IGSF3: variants seen among roughly 807,000 people sequenced by gnomAD.
IGSF3 encodes glu-Trp-Ile EWI motif-containing protein 3.
IGSF3 carries 23 observed loss-of-function variants against 114.4 expected under a neutral mutation model. That is an observed-to-expected ratio of 0.20 (90% CI 0.14 to 0.28). IGSF3 has a LOEUF of 0.28. Among genes scored for constraint, IGSF3 ranks in the 10% least tolerant of loss-of-function variants. The probability of loss-of-function intolerance (pLI) is 1.00; values close to 1 mark genes in which losing one functional copy is unlikely to be tolerated. For synonymous variants in IGSF3, 571 were observed against 645.2 expected, an observed-to-expected ratio of 0.88 and a Z score of 1.74; for missense variants, 1,172 against 1,591.5, an observed-to-expected ratio of 0.74 and a Z score of 4.48.
Position 116,577,202 on chromosome 1 carries a change from A to G in IGSF3, c.*110T>C. 2 of 1,250,728 alleles carry G rather than the reference A, an allele frequency of 1.6e-6. No homozygotes were observed. The highest frequency in any genetic ancestry group is 3.1e-5 in the South Asian group (2 of 65,568). 77.5% of individuals were successfully genotyped at this position (1,250,728 alleles called of 1,614,324 possible). A position where few individuals can be genotyped will look rare whatever the true frequency, so the allele number is the denominator to read the frequency against. On this transcript the variant is annotated 3_prime_UTR_variant, in exon 11 of 11. Coordinates refer to ENST00000369486, the MANE Select transcript of IGSF3 (RefSeq NM_001007237.3). The surrounding 1 kb of genome is among the most constrained non-coding windows in gnomAD (Gnocchi z 5.7). ...CTTGGAACACTTTTCAAGTCTGACAACTTTCCACACACATGCACCCCAGAG... is the reference window on the plus strand; with the variant it reads ...CTTGGAACACTTTTCAAGTCTGACAGCTTTCCACACACATGCACCCCAGAG...
Position 116,607,321 on chromosome 1 carries a change from TG to T in IGSF3, c.1222+620del, listed in dbSNP as rs35998962. On this transcript the variant is annotated intron_variant, in intron 5 of 10. Transcript: ENST00000369486. The surrounding 1 kb of genome is among the most constrained non-coding windows in gnomAD (Gnocchi z 6.1). ...ACACAAGGCCAGTCTACATGAAGGC[TG>T]GGGAGCCCACTGAGGCAGCCTCAGA... Among the ~76,000 whole-genome samples, 107,522 of 152,016 alleles carry T rather than the reference TG, an allele frequency of 0.71. 39,350 individuals are homozygous for T. The highest frequency in any genetic ancestry group is 0.9 in the African/African-American group (37,496 of 41,466).
chr1:116,601,167 C>T (rs1171973477), intron 6 of IGSF3, among the ~76,000 whole-genome samples: 1 of 152,196 alleles, frequency 6.6e-6, no homozygotes, highest in East Asian at 1.9e-4. Flanking sequence ...ATCCCCAAAA[C>T]AACCTTGTAG....
rs920577996 is a variant in IGSF3, at chr1:116,593,308, C to T, written c.2030-4204G>A. 3.9e-5 allele frequency among the ~76,000 whole-genome samples: 6 copies of T among 152,182 alleles called. No homozygotes were observed. The highest frequency in any genetic ancestry group is 8.8e-5 in the Non-Finnish European group (6 of 68,032). ...AACAGCCGTGCTGCTGAGGTGGTTG[C>T]CGGTAAGTCTGGAGAAGGTGGTTTC... On this transcript the variant is annotated intron_variant, in intron 7 of 10. Transcript: ENST00000369486. The surrounding 1 kb of genome is among the most constrained non-coding windows in gnomAD (Gnocchi z 4.5).
intron 6 of IGSF3, among the ~76,000 whole-genome samples, chr1:116,602,341 T>C (rs1044730484): frequency 9.7e-5 from 14 of 144,548 alleles, no homozygotes; most frequent in African/African-American, 3.0e-4. Context: ...TCATTGGACA[T>C]TCCTAACCTT....
At chr1:116,620,215 C>T (rs200521143) in intron 2 of IGSF3, among the ~76,000 whole-genome samples, 12 of 152,066 alleles carry the variant, frequency 7.9e-5, no homozygotes, top group Admixed American at 2.0e-4. Flanking sequence ...TTTATGCTAA[C>T]GAGGTGACTG....
chr1:116,652,907 G>A (rs756043116), intron 2 of IGSF3, among the ~76,000 whole-genome samples: 4 of 152,146 alleles, frequency 2.6e-5, no homozygotes, highest in Non-Finnish European at 4.4e-5. Flanking sequence ...CTCTGTACCC[G>A]TACGGAGATT....
rs576472642 is a variant in IGSF3 at position 116,657,727 on chromosome 1, C to T, written c.43+8557G>A. On this transcript the variant is annotated intron_variant, in intron 2 of 10. Coordinates refer to ENST00000369486, the MANE Select transcript of IGSF3 (RefSeq NM_001007237.3). The surrounding 1 kb of genome is among the most constrained non-coding windows in gnomAD (Gnocchi z 4.2). ...GCCACAGGTGTACCCAGTGCCCTGC[C>T]GAGAGCAGAGACAGTGTTCTCAGAG... is the stretch of plus-strand genomic sequence containing the variant. 3.9e-5 allele frequency among the ~76,000 whole-genome samples: 6 copies of T among 152,164 alleles called. No individual in the cohort carries two copies. The highest frequency in any genetic ancestry group is 1.3e-4 in the Admixed American group (2 of 15,280).
chr1:116,652,175 T>G (rs1288200121), intron 2 of IGSF3, among the ~76,000 whole-genome samples: 1 of 152,210 alleles, frequency 6.6e-6, no homozygotes, highest in East Asian at 1.9e-4. Flanking sequence ...ACTACCAGCA[T>G]GCACAGGGGT....
intron 2 of IGSF3, among the ~76,000 whole-genome samples, chr1:116,656,090 G>T (rs894307124): frequency 1.3e-5 from 2 of 152,034 alleles, no homozygotes; most frequent in Non-Finnish European, 2.9e-5. Context: ...TGAAAAAATA[G>T]TGAAGTAAAT....
At position 116,588,908 on chromosome 1, in the gene IGSF3, A is replaced by G. The variant is rs1362024204; in HGVS notation, c.2226T>C (p.Gly742=). ...KTTHNSAFEY[G]TYAEEEGLRA... is the part of the protein sequence containing the mutation. ...TCAGGCCCTCCTCCTCGGCGTAAGTACCGTATTCAAAGGCGGAGTTGTGGG... is the reference window on the plus strand; with the variant it reads ...TCAGGCCCTCCTCCTCGGCGTAAGTGCCGTATTCAAAGGCGGAGTTGTGGG... The change falls in exon 8 of 11, where the codon GGT becomes GGC. Residue 742 remains glycine (G), a synonymous_variant. Coordinates refer to ENST00000369486, the MANE Select transcript of IGSF3 (RefSeq NM_001007237.3). The surrounding 1 kb of genome is among the most constrained non-coding windows in gnomAD (Gnocchi z 4.9). The G allele has an allele frequency of 1.2e-6, 2 of 1,614,008 alleles. No individual in the cohort carries two copies. The highest frequency in any genetic ancestry group is 1.3e-5 in the African/African-American group (1 of 74,896).
At chr1:116,659,630 TTG>T (rs1290549548) in intron 2 of IGSF3, among the ~76,000 whole-genome samples, 1 of 151,996 alleles carries the variant, frequency 6.6e-6, no homozygotes, top group Non-Finnish European at 1.5e-5. Flanking sequence ...CTCGCTCTTT[TTG>T]TGTGTGTGTG....
intron 9 of IGSF3, among the ~76,000 whole-genome samples, chr1:116,580,322 T>C (rs925849692): frequency 6.6e-6 from 1 of 152,204 alleles, no homozygotes; most frequent in African/African-American, 2.4e-5. Flanking sequence ...GCAGACGTAA[T>C]TAGCAAAGAG....
intron 6 of IGSF3, among the ~76,000 whole-genome samples, chr1:116,601,700 A>G (rs1351930546): frequency 6.6e-6 from 1 of 152,200 alleles, no homozygotes; most frequent in Non-Finnish European, 1.5e-5. Context: ...TGGACCTTTG[A>G]TTTGGATTTC....
intron 2 of IGSF3, among the ~76,000 whole-genome samples, chr1:116,635,544 A>G (rs4044756): frequency 4.6e-5 from 7 of 152,238 alleles, no homozygotes; most frequent in African/African-American, 9.6e-5. Flanking sequence ...CTCCCAGTAC[A>G]TCATCCTTTC....
In IGSF3 at chr1:116,603,031, C is replaced by T. The variant is rs1229269016; in HGVS notation, c.1624+593G>A. On this transcript the variant is annotated intron_variant, in intron 6 of 10. Coordinates refer to ENST00000369486, the MANE Select transcript of IGSF3 (RefSeq NM_001007237.3). The surrounding 1 kb of genome is among the most constrained non-coding windows in gnomAD (Gnocchi z 7.1). ...ATTTAATGTGTCTCAGTCTCAGTTT[C>T]CTCCATAAAATGAAAGTGTCTGTCA... 1.3e-5 allele frequency among the ~76,000 whole-genome samples: 2 copies of T among 152,188 alleles called. No homozygotes were observed. Among genetic ancestry groups the T allele is most frequent in the African/African-American group, 4.8e-5 (2 of 41,446 alleles).
chr1:116,619,070 A>G lies in IGSF3; in HGVS notation c.44-2613T>C, dbSNP rs1661324208. 1.3e-5 allele frequency among the ~76,000 whole-genome samples: 2 copies of G among 152,192 alleles called. 1 individual carries two copies. Among genetic ancestry groups the G allele is most frequent in the African/African-American group, 4.8e-5 (2 of 41,448 alleles). On this transcript the variant is annotated intron_variant, in intron 2 of 10. Coordinates refer to ENST00000369486, the MANE Select transcript of IGSF3 (RefSeq NM_001007237.3). The stretch of plus-strand genomic sequence containing the variant: ...AAATCAGGTGTAGCAAAGCACTGTT[A>G]CTTTAAAGTGTCTCTACCTACATGG...
chr1:116,662,700 G>A lies in IGSF3; in HGVS notation c.43+3584C>T, dbSNP rs1649165275. On this transcript the variant is annotated intron_variant, in intron 2 of 10. Coordinates refer to ENST00000369486, the MANE Select transcript of IGSF3 (RefSeq NM_001007237.3). This position sits in a 1 kb window ranked among gnomAD's most constrained non-coding sequence, Gnocchi z 4.3. The stretch of plus-strand genomic sequence containing the variant: ...CTGCACCCTTGTCAAATGGTCCCCA[G>A]GAAAGGGAAGTGCACTACCTCTGGG... Among the ~76,000 whole-genome samples the A allele has an allele frequency of 6.6e-6, 1 of 152,128 alleles. No homozygotes were observed.
intron 2 of IGSF3, among the ~76,000 whole-genome samples, chr1:116,646,579 G>A (rs1460346062): frequency 6.6e-6 from 1 of 152,200 alleles, no homozygotes; most frequent in Non-Finnish European, 1.5e-5. Context: ...GTATTCATAG[G>A]TAACTAAGAT....
Position 116,644,070 on chromosome 1 carries a change from G to A in IGSF3, c.43+22214C>T, listed in dbSNP as rs971240670. ...ACAATCCCTTAGAAAGGGGTCCCACGCTGTCCATCTGGGCCCCTACACCAA... is the reference window on the plus strand; with the variant it reads ...ACAATCCCTTAGAAAGGGGTCCCACACTGTCCATCTGGGCCCCTACACCAA... On this transcript the variant is annotated intron_variant, in intron 2 of 10. Coordinates refer to ENST00000369486, the MANE Select transcript of IGSF3 (RefSeq NM_001007237.3). The surrounding 1 kb of genome is among the most constrained non-coding windows in gnomAD (Gnocchi z 5.6). 2.0e-5 allele frequency among the ~76,000 whole-genome samples: 3 copies of A among 152,182 alleles called. No homozygotes were observed. Among genetic ancestry groups the A allele is most frequent in the African/African-American group, 7.2e-5 (3 of 41,448 alleles).
Sources: allele counts gnomAD v4.1 joint callset (sites outside exome capture counted in the v4.1 genomes callset), GRCh38; gene constraint gnomAD v4.1.1; non-coding constraint Gnocchi (gnomAD v3.1); transcripts MANE v1.5; gene names NCBI Gene and HGNC (gene_info 2026-07-23, HGNC 2026-07-21).